Variants in CELF2 observed in about 807,000 individuals in gnomAD.
The protein encoded by CELF2 is CUG triplet repeat RNA-binding protein 2.
In CELF2, 8 loss-of-function variants were observed where a neutral mutation model predicts 62.6. That is an observed-to-expected ratio of 0.13 (90% confidence interval 0.07 to 0.23). The LOEUF is 0.23. Among genes scored for constraint, CELF2 ranks in the 10% least tolerant of loss-of-function variants. CELF2 has a pLI of 1.00. For synonymous variants in CELF2, 258 were observed against 250.0 expected (o/e 1.03, Z -0.30); for missense variants, 333 against 671.0 (o/e 0.50, Z 5.56).
chr10:11,249,267 G>C, intron 4 of CELF2, 66 bp downstream of exon 4: 1 of 1,380,604 alleles, frequency 7.2e-7, no homozygotes, highest in Non-Finnish European at 1.0e-6. Flanking sequence ...AAGTCAGTTG[G>C]GGGCGGGAGA....
chr10:11,051,901 CTT>C (rs10711238), intron 1 of CELF2, among the ~76,000 whole-genome samples: 162 of 122,420 alleles, frequency 1.3e-3, no homozygotes, highest in Admixed American at 1.8e-3. Flanking sequence ...ATTGTTAATA[CTT>C]TTTTTTTTTT....
the CELF2 span, among the ~76,000 whole-genome samples, chr10:10,639,587 A>T: frequency 1.3e-5 from 2 of 152,324 alleles, no homozygotes; most frequent in African/African-American, 4.8e-5. Context: ...AGTAAATTTT[A>T]ATTGCCCTGA....
the CELF2 span, among the ~76,000 whole-genome samples, chr10:10,580,221 G>A: frequency 1.3e-5 from 2 of 152,156 alleles, no homozygotes; most frequent in African/African-American, 4.8e-5. Flanking sequence ...TAAGGTGGGG[G>A]CAACCTTCTA....
intron 1 of CELF2, among the ~76,000 whole-genome samples, chr10:10,914,037 A>T (rs942437453): frequency 4.6e-5 from 7 of 152,022 alleles, no homozygotes; most frequent in Admixed American, 4.6e-4. Flanking sequence ...TTTCACTCCT[A>T]ATTACAATAA....
chr10:11,005,179 A>G, upstream of CELF2: 4 of 1,433,720 alleles, frequency 2.8e-6, no homozygotes, highest in South Asian at 4.6e-5. This position sits in a 1 kb window ranked among gnomAD's most constrained non-coding sequence, Gnocchi z 4.3. Flanking sequence ...ATTTCTACTT[A>G]GTGAATCTGC....
the CELF2 span, among the ~76,000 whole-genome samples, chr10:10,486,276 TG>T: frequency 1.2e-4 from 19 of 152,292 alleles, no homozygotes; most frequent in African/African-American, 4.3e-4. Flanking sequence ...CTTTTCTCAC[TG>T]GTTAATTAAA....
chr10:10,659,329 T>C, the CELF2 span, among the ~76,000 whole-genome samples: 647 of 152,328 alleles, frequency 4.2e-3, 3 homozygotes, highest in African/African-American at 0.014. Flanking sequence ...TTTAATAAAA[T>C]ATTTATGTTA....
At position 10,972,961 on chromosome 10, in the gene CELF2, A is replaced by G. The variant is rs1187266382; in HGVS notation, c.89+52962A>G. ...TGAAGGGAGGGTCGAGATGTTTTTA[A>G]TGGCAAAGAATGTGAAACCCTGAGG... is the stretch of plus-strand genomic sequence containing the variant. On this transcript the variant is annotated intron_variant, in intron 2 of 13. Coordinates refer to the CELF2 transcript ENST00000636488. This position sits in a 1 kb window ranked among gnomAD's most constrained non-coding sequence, Gnocchi z 4.4. 1.3e-5 allele frequency among the ~76,000 whole-genome samples: 2 copies of G among 152,148 alleles called. No individual in the cohort carries two copies. Among genetic ancestry groups the G allele is most frequent in the Non-Finnish European group, 2.9e-5 (2 of 68,020 alleles).
chr10:10,719,726 C>G, the CELF2 span, among the ~76,000 whole-genome samples: 65 of 152,290 alleles, frequency 4.3e-4, 1 homozygote, highest in East Asian at 0.012. Flanking sequence ...TGTGCCTCAT[C>G]TAATCTGTAG....
chr10:10,919,318 G>A (rs933545789), intron 1 of CELF2, among the ~76,000 whole-genome samples: 5 of 152,016 alleles, frequency 3.3e-5, no homozygotes, highest in African/African-American at 9.7e-5. Context: ...CGGCAATTGG[G>A]ACAAAGTTAG....
chr10:11,281,103 C>T (rs1406191072), intron 8 of CELF2, among the ~76,000 whole-genome samples: 2 of 151,904 alleles, frequency 1.3e-5, no homozygotes, highest in African/African-American at 4.8e-5. Flanking sequence ...CCTGATGGCC[C>T]AAGTCACTGC....
chr10:11,049,535 T>C (rs1400818464), intron 1 of CELF2, among the ~76,000 whole-genome samples: 2 of 147,306 alleles, frequency 1.4e-5, no homozygotes, highest in Admixed American at 1.4e-4. Flanking sequence ...TCCCAACTTA[T>C]TTGTTCCTAT....
chr10:11,059,290 G>A (rs2066136828), intron 1 of CELF2, among the ~76,000 whole-genome samples: 1 of 152,094 alleles, frequency 6.6e-6, no homozygotes, highest in African/African-American at 2.4e-5. Flanking sequence ...GACTAGACTT[G>A]CATGTCTGTT....
At chr10:11,200,585 C>T (rs1441729199) in intron 2 of CELF2, among the ~76,000 whole-genome samples, 1 of 152,182 alleles carries the variant, frequency 6.6e-6, no homozygotes, top group Non-Finnish European at 1.5e-5. Flanking sequence ...CATGACTTAC[C>T]CAGGAACATG....
chr10:10,924,673 G>A (rs1305490923), intron 2 of CELF2, among the ~76,000 whole-genome samples: 2 of 139,638 alleles, frequency 1.4e-5, no homozygotes, highest in East Asian at 2.1e-4. Context: ...AAGAAGTTAC[G>A]AAAGAAAAAT....
intron 1 of CELF2, among the ~76,000 whole-genome samples, chr10:11,056,203 A>G (rs1193303414): frequency 6.6e-6 from 1 of 152,248 alleles, no homozygotes; most frequent in Non-Finnish European, 1.5e-5. Context: ...AAATGTATTC[A>G]TAATCATTCT....
Position 11,005,357 on chromosome 10 carries a change from TG to T in CELF2, c.-29del, listed in dbSNP as rs1430530373. The T allele has an allele frequency of 6.2e-7, 1 of 1,613,570 alleles. No homozygotes were observed. The highest frequency in any genetic ancestry group is 1.1e-5 in the South Asian group (1 of 91,048). On this transcript the variant is annotated 5_prime_UTR_variant, in exon 1 of 13. Coordinates refer to the CELF2 transcript ENST00000416382. The surrounding 1 kb of genome is among the most constrained non-coding windows in gnomAD (Gnocchi z 4.3). ...TTGATGTTTGAGCATACTTCTGAAC[TG>T]GCTTTTGTTGAGACTATCAGTATAG...
At chr10:11,131,008 T>C (rs1297272652) in intron 1 of CELF2, among the ~76,000 whole-genome samples, 1 of 152,234 alleles carries the variant, frequency 6.6e-6, no homozygotes, top group Non-Finnish European at 1.5e-5. Flanking sequence ...CATCCAACTG[T>C]TGTTACATAC....
At chr10:10,690,237 T>C in the CELF2 span, among the ~76,000 whole-genome samples, 1 of 152,170 alleles carries the variant, frequency 6.6e-6, no homozygotes, top group African/African-American at 2.4e-5. Flanking sequence ...TTGTGACTGG[T>C]TCATTATGAT....
Sources: gnomAD v4.1 joint callset for allele counts (sites outside exome capture counted in the v4.1 genomes callset) on GRCh38, gnomAD v4.1.1 for gene constraint, Gnocchi (gnomAD v3.1) non-coding constraint, MANE v1.5 for transcripts, NCBI Gene and HGNC (gene_info 2026-07-23, HGNC 2026-07-21) for gene names.